DLG2: variants seen among roughly 807,000 people sequenced by gnomAD.
DLG2 encodes discs large MAGUK scaffold protein 2.
Under a neutral mutation model 132.5 loss-of-function variants are expected in DLG2, and 45 were observed. The ratio of observed to expected loss-of-function variants is 0.34; its 90% CI spans 0.27 to 0.44. The LOEUF (loss-of-function observed/expected upper bound fraction) is 0.44. Among genes scored for constraint, DLG2 ranks in the 20% least tolerant of loss-of-function variants. The probability of loss-of-function intolerance (pLI) is 1.00; values close to 1 mark genes in which losing one functional copy is unlikely to be tolerated. For missense variants in DLG2, 1,045 were observed against 1,196.9 expected, an observed-to-expected ratio of 0.87 and a Z score of 1.87; for synonymous variants, 424 against 419.6, an observed-to-expected ratio of 1.01 and a Z score of -0.13.
intron 8 of DLG2, among the ~76,000 whole-genome samples, chr11:84,243,015 CTCTATA>C (rs1417795567): frequency 5.0e-5 from 7 of 140,172 alleles, no homozygotes; most frequent in Non-Finnish European, 7.8e-5. Context: ...CTCTCTCTCT[CTCTATA>C]TATATATATA....
chr11:83,835,639 C>G (rs950229059), intron 16 of DLG2, among the ~76,000 whole-genome samples: 1 of 152,130 alleles, frequency 6.6e-6, no homozygotes, highest in Non-Finnish European at 1.5e-5. Context: ...TTTTCTATTG[C>G]TGAATAACAA....
intron 11 of DLG2, among the ~76,000 whole-genome samples, chr11:84,055,578 A>G (rs4943885): frequency 0.75 from 113,812 of 151,882 alleles, 43,879 homozygotes; most frequent in Non-Finnish European, 0.86. Context: ...ATCTTTTCCT[A>G]CACTATAGCC....
intron 3 of DLG2, among the ~76,000 whole-genome samples, chr11:85,480,884 C>T (rs535336042): frequency 3.8e-4 from 58 of 152,250 alleles, no homozygotes; most frequent in Admixed American, 2.5e-3. Context: ...AAAAAAAATA[C>T]CACATGCACA....
intron 6 of DLG2, among the ~76,000 whole-genome samples, chr11:84,765,088 T>C (rs554676398): frequency 1.3e-5 from 2 of 152,264 alleles, no homozygotes; most frequent in African/African-American, 4.8e-5. Context: ...TATTACCTTT[T>C]AGTATAAATT....
At chr11:84,192,213 G>A (rs1453693152) in intron 8 of DLG2, among the ~76,000 whole-genome samples, 1 of 152,168 alleles carries the variant, frequency 6.6e-6, no homozygotes, top group African/African-American at 2.4e-5. Context: ...TTAGTAAACA[G>A]GGGGTGGGTG....
At chr11:84,207,081 C>CTCTCTCTCTA (rs148707321) in intron 8 of DLG2, among the ~76,000 whole-genome samples, 108 of 146,994 alleles carry the variant, frequency 7.3e-4, no homozygotes, top group African/African-American at 2.6e-3. Flanking sequence ...CTCTCTCTCT[C>CTCTCTCTCTA]TATATATATA....
intron 7 of DLG2, among the ~76,000 whole-genome samples, chr11:84,460,496 C>A (rs1039204949): frequency 6.6e-6 from 1 of 150,386 alleles, no homozygotes; most frequent in Non-Finnish European, 1.5e-5. Context: ...TATCACACAT[C>A]TCTCTCATGT....
At chr11:85,385,697 A>T (rs1039639079) in intron 3 of DLG2, among the ~76,000 whole-genome samples, 1 of 152,180 alleles carries the variant, frequency 6.6e-6, no homozygotes, top group Non-Finnish European at 1.5e-5. Flanking sequence ...GAAACTGATT[A>T]ATTTAAAAGC....
chr11:84,977,013 G>A (rs2055001911), intron 6 of DLG2, among the ~76,000 whole-genome samples: 1 of 152,080 alleles, frequency 6.6e-6, no homozygotes, highest in African/African-American at 2.4e-5. Flanking sequence ...TAGCTATATA[G>A]AATATGCTAT....
At chr11:84,060,700 G>A (rs925566763) in intron 10 of DLG2, among the ~76,000 whole-genome samples, 1 of 152,110 alleles carries the variant, frequency 6.6e-6, no homozygotes, top group Non-Finnish European at 1.5e-5. Flanking sequence ...CGGGGCTTGA[G>A]ATTACAAAAA....
At chr11:84,522,516 T>A (rs1317115789) in intron 7 of DLG2, among the ~76,000 whole-genome samples, 7 of 152,284 alleles carry the variant, frequency 4.6e-5, no homozygotes, top group Non-Finnish European at 8.8e-5. Flanking sequence ...GTTCTGCCAA[T>A]TCAGAAGGAA....
At chr11:84,512,186 A>G (rs1453350483) in intron 7 of DLG2, among the ~76,000 whole-genome samples, 3 of 152,168 alleles carry the variant, frequency 2.0e-5, no homozygotes, top group Non-Finnish European at 4.4e-5. Flanking sequence ...AAAGCCATGA[A>G]AATATAACAA....
chr11:85,080,012 T>A (rs2067039137), intron 6 of DLG2, among the ~76,000 whole-genome samples: 2 of 152,116 alleles, frequency 1.3e-5, no homozygotes, highest in African/African-American at 4.8e-5. Context: ...AGGGGCCATG[T>A]AAAAACCCAG....
chr11:85,054,150 A>G (rs1312049794), intron 6 of DLG2, among the ~76,000 whole-genome samples: 2 of 151,970 alleles, frequency 1.3e-5, no homozygotes, highest in African/African-American at 4.8e-5. Context: ...CTGTAACCCC[A>G]GATACTGGGG....
At chr11:84,760,041 T>C (rs2067399725) in intron 6 of DLG2, among the ~76,000 whole-genome samples, 2 of 152,218 alleles carry the variant, frequency 1.3e-5, no homozygotes, top group Non-Finnish European at 2.9e-5. Context: ...GCTTTTGTCA[T>C]TGGTAAGCTT....
intron 6 of DLG2, among the ~76,000 whole-genome samples, chr11:84,661,033 G>C (rs1197116362): frequency 6.6e-6 from 1 of 152,142 alleles, no homozygotes; most frequent in East Asian, 1.9e-4. Context: ...ATTAAAGTTA[G>C]TGTGCAAAAT....
intron 3 of DLG2, among the ~76,000 whole-genome samples, chr11:85,401,169 C>A (rs1456684873): frequency 6.6e-6 from 1 of 152,060 alleles, no homozygotes; most frequent in Non-Finnish European, 1.5e-5. Flanking sequence ...CCCTGGGATG[C>A]AAGACTGGTT....
At chr11:84,536,413 G>GA (rs879572434) in intron 6 of DLG2, among the ~76,000 whole-genome samples, 62 of 145,588 alleles carry the variant, frequency 4.3e-4, no homozygotes, top group South Asian at 1.5e-3. Context: ...CTGCTTAGTA[G>GA]AAAAAAAAAA....
At chr11:84,051,175 G>C (rs1444723612) in intron 11 of DLG2, among the ~76,000 whole-genome samples, 5 of 151,938 alleles carry the variant, frequency 3.3e-5, no homozygotes, top group Non-Finnish European at 7.4e-5. Flanking sequence ...CACTGTTGGT[G>C]GGAGTGTAAA....
Sources: allele counts gnomAD v4.1 joint callset (sites outside exome capture counted in the v4.1 genomes callset), GRCh38; gene constraint gnomAD v4.1.1; transcripts MANE v1.5; gene names NCBI Gene and HGNC (gene_info 2026-07-23, HGNC 2026-07-21).